The following NET1 variants were observed in gnomAD, a reference collection of about 807,000 sequenced individuals.
NET1 encodes neuroepithelial cell-transforming gene 1 protein.
NET1 carries 42 observed loss-of-function variants against 61.1 expected under a neutral mutation model. That is an observed-to-expected ratio of 0.69 (90% CI 0.54 to 0.89). The LOEUF (loss-of-function observed/expected upper bound fraction) is 0.89. Among genes scored for constraint, NET1 ranks in the 40% least tolerant of loss-of-function variants. The pLI is 0.00. For missense variants in NET1, 654 were observed against 747.3 expected (o/e 0.88, Z 1.46); for synonymous variants, 254 against 281.8 (o/e 0.90, Z 0.99).
chr10:5,455,995 T>C lies in NET1; in HGVS notation c.1198-92T>C. 8.0e-7 allele frequency: 1 copy of C among 1,246,142 alleles called. No individual in the cohort carries two copies. Among genetic ancestry groups the C allele is most frequent in the South Asian group, 1.6e-5 (1 of 61,686 alleles). 77.2% of individuals were successfully genotyped at this position (1,246,142 alleles called of 1,614,324 possible). ...AGAGATCTTCGAAAAATAAATCTGA[T>C]GAAATTAATAATGTCGAGTTATTTT... On this transcript the variant is annotated intron_variant, in intron 10 of 11. Coordinates refer to ENST00000355029, the MANE Select transcript of NET1 (RefSeq NM_001047160.3). This position sits in a 1 kb window ranked among gnomAD's most constrained non-coding sequence, Gnocchi z 6.5.
rs1030143179 is a variant in NET1, at chr10:5,435,974, T to A, written c.255+6745T>A. 6.6e-6 allele frequency among the ~76,000 whole-genome samples: 1 copy of A among 151,992 alleles called. No individual in the cohort carries two copies. Among genetic ancestry groups the A allele is most frequent in the Non-Finnish European group, 1.5e-5 (1 of 67,958 alleles). On this transcript the variant is annotated intron_variant, in intron 3 of 11. Transcript: ENST00000355029. The surrounding 1 kb of genome is among the most constrained non-coding windows in gnomAD (Gnocchi z 5.0). ...AAGAGTCAAAAGTGACTGTTGACTT[T>A]GTTAATGTGAAATAACACTGGCATG...
Position 5,437,961 on chromosome 10 carries a change from T to A in NET1, c.255+8732T>A, listed in dbSNP as rs1832464618. On this transcript the variant is annotated intron_variant, in intron 3 of 11. Coordinates refer to ENST00000355029, the MANE Select transcript of NET1 (RefSeq NM_001047160.3). This position sits in a 1 kb window ranked among gnomAD's most constrained non-coding sequence, Gnocchi z 4.3. ...CAGTAACAAAAGGAAATCTAAAAAA[T>A]TTATAAGTATGTGGAAATTAAACAA... is the stretch of plus-strand genomic sequence containing the variant. Among the ~76,000 whole-genome samples the A allele has an allele frequency of 6.6e-6, 1 of 152,090 alleles. No individual in the cohort carries two copies. Among genetic ancestry groups the A allele is most frequent in the Admixed American group, 6.5e-5 (1 of 15,272 alleles).
rs778016825 is a variant in NET1, at chr10:5,429,157, A to G, written c.196-13A>G. On this transcript the variant is annotated splice_polypyrimidine_tract_variant and intron_variant, in intron 2 of 11. Coordinates refer to ENST00000355029, the MANE Select transcript of NET1 (RefSeq NM_001047160.3). The stretch of plus-strand genomic sequence containing the variant: ...CCTTTTATATGAGAATGAAATCTCT[A>G]TTTTTCTTTTAGAAAAGAAAACGCA... The G allele has an allele frequency of 1.2e-5, 19 of 1,588,496 alleles. No homozygotes were observed. Among genetic ancestry groups the G allele is most frequent in the Non-Finnish European group, 1.6e-5 (19 of 1,159,844 alleles).
chr10:5,445,033 C>T (rs756031785), intron 3 of NET1, among the ~76,000 whole-genome samples: 2 of 152,132 alleles, frequency 1.3e-5, no homozygotes, highest in Non-Finnish European at 2.9e-5. Context: ...TCTTGTTGCC[C>T]GACTGTGATT....
Position 5,458,446 on chromosome 10 carries a change from A to G in NET1, c.*1452A>G, listed in dbSNP as rs1473032767. 1 of 152,566 alleles carries G rather than the reference A, an allele frequency of 6.6e-6. No homozygotes were observed. Among genetic ancestry groups the G allele is most frequent in the African/African-American group, 2.4e-5 (1 of 41,418 alleles). 9.5% of individuals were successfully genotyped at this position (152,566 alleles called of 1,614,324 possible). ...CAAATGAATGATACTATTAAAAAAA[A>G]AAAAAGCACACACATAATCACCCTG... On this transcript the variant is annotated 3_prime_UTR_variant, in exon 12 of 12. Transcript: ENST00000355029. The surrounding 1 kb of genome is among the most constrained non-coding windows in gnomAD (Gnocchi z 4.5).
intron 1 of NET1, among the ~76,000 whole-genome samples, chr10:5,425,778 C>A (rs149532229): frequency 1.3e-5 from 2 of 152,310 alleles, no homozygotes; most frequent in African/African-American, 2.4e-5. Flanking sequence ...TGAATAAATA[C>A]CCTTTGCTTT....
rs1832746198 is a variant in NET1 at position 5,453,650 on chromosome 10, C to A, written c.768+90C>A. 1 of 1,108,914 alleles carries A rather than the reference C, an allele frequency of 9.0e-7. No individual in the cohort carries two copies. Among genetic ancestry groups the A allele is most frequent in the Middle Eastern group, 2.0e-4 (1 of 5,086 alleles). The allele number at this position is 1,108,914 out of a possible 1,614,324, so 68.7% of individuals were successfully genotyped here. Reference sequence around the variant, plus strand: ...TGAATATGAGACAGATTTGATCCCACAACTCTGTTCTACAAACACATAAGG... The same window carrying A: ...TGAATATGAGACAGATTTGATCCCAAAACTCTGTTCTACAAACACATAAGG... On this transcript the variant is annotated intron_variant, in intron 8 of 11. Transcript: ENST00000355029. This position sits in a 1 kb window ranked among gnomAD's most constrained non-coding sequence, Gnocchi z 4.9.
intron 1 of NET1, among the ~76,000 whole-genome samples, chr10:5,418,797 G>A (rs940875778): frequency 6.6e-6 from 1 of 151,994 alleles, no homozygotes. Flanking sequence ...TCTTAATATA[G>A]GGATACAGCT....
In NET1 at chr10:5,456,937, C is replaced by T; in HGVS notation, c.1734C>T (p.Ile578=). The change falls in exon 12 of 12, where the codon ATC becomes ATT. Residue 578 remains isoleucine (I), a synonymous_variant. Transcript: ENST00000355029. The surrounding 1 kb of genome is among the most constrained non-coding windows in gnomAD (Gnocchi z 7.0). ...AGACACACCAGACACAGCCCGGCAT[C>T]CGAAGAGCGAGGGACAAAGCCCTTT... ...SLKTHQTQPG[I]RRARDKALSG... The T allele has an allele frequency of 6.2e-7, 1 of 1,605,918 alleles. No homozygotes were observed.
intron 2 of NET1, among the ~76,000 whole-genome samples, chr10:5,428,015 C>T (rs1479015097): frequency 7.0e-6 from 1 of 142,700 alleles, no homozygotes; most frequent in Non-Finnish European, 1.5e-5. Context: ...ACTTTCTCCA[C>T]TTCTATCTGG....
At position 5,449,543 on chromosome 10, in the gene NET1, C is replaced by A. The variant is rs375195513; in HGVS notation, c.256-2287C>A. ...CCACTTGGCATAATATGCTGCCACCCTAAAGAGACCACATCAACAAAACCC... is the reference window on the plus strand; with the variant it reads ...CCACTTGGCATAATATGCTGCCACCATAAAGAGACCACATCAACAAAACCC... On this transcript the variant is annotated intron_variant, in intron 3 of 11. Coordinates refer to ENST00000355029, the MANE Select transcript of NET1 (RefSeq NM_001047160.3). The surrounding 1 kb of genome is among the most constrained non-coding windows in gnomAD (Gnocchi z 4.4). Among the ~76,000 whole-genome samples, 2 of 152,152 alleles carry A rather than the reference C, an allele frequency of 1.3e-5. No individual in the cohort carries two copies. Among genetic ancestry groups the A allele is most frequent in the Admixed American group, 1.3e-4 (2 of 15,278 alleles).
At chr10:5,448,477 G>A (rs1832652188) in intron 3 of NET1, among the ~76,000 whole-genome samples, 1 of 152,178 alleles carries the variant, frequency 6.6e-6, no homozygotes, top group Admixed American at 6.5e-5. Context: ...CTATAATAAT[G>A]TATGTGACTG....
chr10:5,414,369 T>G (rs542098458), intron 1 of NET1, among the ~76,000 whole-genome samples: 1 of 152,324 alleles, frequency 6.6e-6, no homozygotes, highest in South Asian at 2.1e-4. Context: ...TTGCCTTCCA[T>G]GAGAAAAATA....
rs1832224872 is a variant in NET1, at chr10:5,424,330, AAG to A, written c.129-2322_129-2321del. 6.6e-6 allele frequency among the ~76,000 whole-genome samples: 1 copy of A among 152,184 alleles called. No homozygotes were observed. Among genetic ancestry groups the A allele is most frequent in the African/African-American group, 2.4e-5 (1 of 41,440 alleles). Reference sequence around the variant, plus strand: ...AGCATACAGTAGCACCTAATACACTAAGAGTATTAATTCCTAGAGCAGTATTT... The same window carrying A: ...AGCATACAGTAGCACCTAATACACTAAGTATTAATTCCTAGAGCAGTATTT... On this transcript the variant is annotated intron_variant, in intron 1 of 11. Transcript: ENST00000355029. This position sits in a 1 kb window ranked among gnomAD's most constrained non-coding sequence, Gnocchi z 6.1.
At position 5,424,821 on chromosome 10, in the gene NET1, T is replaced by C. The variant is rs1440001223; in HGVS notation, c.129-1834T>C. Among the ~76,000 whole-genome samples the C allele has an allele frequency of 6.6e-6, 1 of 152,192 alleles. No individual in the cohort carries two copies. The highest frequency in any genetic ancestry group is 1.5e-5 in the Non-Finnish European group (1 of 68,034). Reference sequence around the variant, plus strand: ...AAGGGGAAAGTCTTTCCTGGCAATTTTGACATCGAACCGTCTCTCAAATCA... The same window carrying C: ...AAGGGGAAAGTCTTTCCTGGCAATTCTGACATCGAACCGTCTCTCAAATCA... On this transcript the variant is annotated intron_variant, in intron 1 of 11. Coordinates refer to ENST00000355029, the MANE Select transcript of NET1 (RefSeq NM_001047160.3). The surrounding 1 kb of genome is among the most constrained non-coding windows in gnomAD (Gnocchi z 6.1).
rs1832771636 is a variant in NET1 at position 5,454,849 on chromosome 10, T to C, written c.1027-99T>C. On this transcript the variant is annotated intron_variant, in intron 9 of 11. Coordinates refer to ENST00000355029, the MANE Select transcript of NET1 (RefSeq NM_001047160.3). The surrounding 1 kb of genome is among the most constrained non-coding windows in gnomAD (Gnocchi z 8.1). The stretch of plus-strand genomic sequence containing the variant: ...ACTGATTTCTAGAGTCCCTTCAAGC[T>C]TTAAAGTTCTTCCATTCCATATGAC... The C allele has an allele frequency of 8.5e-7, 1 of 1,178,862 alleles. No individual in the cohort carries two copies. Among genetic ancestry groups the C allele is most frequent in the East Asian group, 2.4e-5 (1 of 41,976 alleles). 73.0% of individuals were successfully genotyped at this position (1,178,862 alleles called of 1,614,324 possible). A position where few individuals can be genotyped will look rare whatever the true frequency, so the allele number is the denominator to read the frequency against.
chr10:5,421,192 A>G lies in NET1; in HGVS notation c.129-5463A>G, dbSNP rs955814851. The stretch of plus-strand genomic sequence containing the variant: ...GCAAGTTACTTAGTCTCTAAATCTC[A>G]CTTCATAGTACCTATGTCTAAGGTC... On this transcript the variant is annotated intron_variant, in intron 1 of 11. Coordinates refer to ENST00000355029, the MANE Select transcript of NET1 (RefSeq NM_001047160.3). The surrounding 1 kb of genome is among the most constrained non-coding windows in gnomAD (Gnocchi z 4.2). Among the ~76,000 whole-genome samples, 1 of 152,130 alleles carries G rather than the reference A, an allele frequency of 6.6e-6. No homozygotes were observed. Among genetic ancestry groups the G allele is most frequent in the Non-Finnish European group, 1.5e-5 (1 of 68,014 alleles).
Position 5,423,019 on chromosome 10 carries a change from C to T in NET1, c.129-3636C>T, listed in dbSNP as rs1021009593. On this transcript the variant is annotated intron_variant, in intron 1 of 11. Coordinates refer to ENST00000355029, the MANE Select transcript of NET1 (RefSeq NM_001047160.3). The surrounding 1 kb of genome is among the most constrained non-coding windows in gnomAD (Gnocchi z 4.4). ...ATTCTTTTTATATGTTTGGCATTTA[C>T]AGATTACATTTTTTATTTAATTGGA... 6.6e-6 allele frequency among the ~76,000 whole-genome samples: 1 copy of T among 152,094 alleles called. No individual in the cohort carries two copies. Among genetic ancestry groups the T allele is most frequent in the Non-Finnish European group, 1.5e-5 (1 of 68,002 alleles).
chr10:5,433,727 T>G (rs1832383194), intron 3 of NET1, among the ~76,000 whole-genome samples: 1 of 152,180 alleles, frequency 6.6e-6, no homozygotes, highest in Non-Finnish European at 1.5e-5. Flanking sequence ...GAACTTTTTT[T>G]TTCTTGAATT....
Sources: gnomAD v4.1 joint callset for allele counts (sites outside exome capture counted in the v4.1 genomes callset) on GRCh38, gnomAD v4.1.1 for gene constraint, Gnocchi (gnomAD v3.1) non-coding constraint, MANE v1.5 for transcripts, NCBI Gene and HGNC (gene_info 2026-07-23, HGNC 2026-07-21) for gene names.